The following ACVR1C variants were observed in gnomAD, a reference collection of about 807,000 sequenced individuals.
ACVR1C encodes activin receptor type-1C.
Under a neutral mutation model 57.9 loss-of-function variants are expected in ACVR1C, and 23 were observed. The observed-to-expected ratio is 0.40, with a 90% CI of 0.29 to 0.56. The LOEUF is 0.56. Ranked by LOEUF, ACVR1C falls within the 20% of genes least tolerant of loss-of-function variation. The probability of loss-of-function intolerance (pLI) is 0.50; values close to 1 mark genes in which losing one functional copy is unlikely to be tolerated. For synonymous variants in ACVR1C, 214 were observed against 215.3 expected (o/e 0.99, Z 0.05); for missense variants, 480 against 607.9 (o/e 0.79, Z 2.21).
intron 1 of ACVR1C, among the ~76,000 whole-genome samples, chr2:157,615,009 G>T (rs983635167): frequency 6.6e-6 from 1 of 151,868 alleles, no homozygotes; most frequent in African/African-American, 2.4e-5. Context: ...TGTAATTATT[G>T]GTATAACTGA....
chr2:157,538,455 A>G, intron 8 of ACVR1C, 118 bp downstream of exon 8: 1 of 996,682 alleles, frequency 1.0e-6, no homozygotes, highest in Non-Finnish European at 1.4e-6. Flanking sequence ...GACTTATAAA[A>G]AGACGTATGT....
In ACVR1C at chr2:157,587,639, T is replaced by C. The variant is rs568008616; in HGVS notation, c.74-222A>G. On this transcript the variant is annotated intron_variant, in intron 1 of 8. Transcript: ENST00000243349. ...CTTTTGCTAATATTTTTGTGATTTATTCCAGTTGCTACTATATTTAAAGCA... is the reference window on the plus strand; with the variant it reads ...CTTTTGCTAATATTTTTGTGATTTACTCCAGTTGCTACTATATTTAAAGCA... 2.6e-5 allele frequency among the ~76,000 whole-genome samples: 4 copies of C among 152,226 alleles called. No homozygotes were observed. The East Asian group carries it at 7.7e-4, about 29-fold the overall frequency.
intron 1 of ACVR1C, among the ~76,000 whole-genome samples, chr2:157,596,884 C>T (rs1682136962): frequency 6.6e-6 from 1 of 152,002 alleles, no homozygotes; most frequent in South Asian, 2.1e-4. Context: ...AGGAACTTGG[C>T]CTTGTAGGTT....
intron 1 of ACVR1C, among the ~76,000 whole-genome samples, chr2:157,615,359 A>C (rs2105153103): frequency 6.6e-6 from 1 of 150,772 alleles, no homozygotes; most frequent in Non-Finnish European, 1.5e-5. Context: ...GGTGTGGTGC[A>C]TGCTTTGAGG....
chr2:157,562,584 C>A (rs1185320074), intron 2 of ACVR1C, among the ~76,000 whole-genome samples: 1 of 151,766 alleles, frequency 6.6e-6, no homozygotes, highest in African/African-American at 2.4e-5. Context: ...CTATTCCAAA[C>A]AATTGAAAAG....
At chr2:157,600,839 T>C (rs181259746) in intron 1 of ACVR1C, among the ~76,000 whole-genome samples, 118 of 152,256 alleles carry the variant, frequency 7.8e-4, no homozygotes, top group African/African-American at 2.6e-3. Flanking sequence ...CTCAAAAGTT[T>C]ACCCTGGATA....
At chr2:157,550,057 A>G in intron 4 of ACVR1C, 105 bp downstream of exon 4, 1 of 846,722 alleles carries the variant, frequency 1.2e-6, no homozygotes. Flanking sequence ...AGAAGAGGTG[A>G]ATTTATTTTT....
chr2:157,617,076 T>C (rs1682669652), intron 1 of ACVR1C, among the ~76,000 whole-genome samples: 2 of 151,750 alleles, frequency 1.3e-5, no homozygotes, highest in South Asian at 4.1e-4. Context: ...ACTTTCCTTA[T>C]AAAGACACGA....
intron 1 of ACVR1C, among the ~76,000 whole-genome samples, chr2:157,594,188 G>T (rs1161034420): frequency 6.6e-6 from 1 of 152,144 alleles, no homozygotes; most frequent in Non-Finnish European, 1.5e-5. Flanking sequence ...AGGCAACACT[G>T]ACTGACACTG....
chr2:157,600,071 A>G (rs1057341400), intron 1 of ACVR1C, among the ~76,000 whole-genome samples: 4 of 152,254 alleles, frequency 2.6e-5, no homozygotes, highest in African/African-American at 9.6e-5. Flanking sequence ...AGTATCAGAA[A>G]GAGCAATAGG....
intron 2 of ACVR1C, among the ~76,000 whole-genome samples, chr2:157,558,798 T>C (rs781048440): frequency 8.5e-5 from 13 of 152,198 alleles, no homozygotes; most frequent in Non-Finnish European, 1.8e-4. Context: ...ACTTCTGAAG[T>C]TTGCTGTTAT....
At chr2:157,553,378 G>C (rs1687966543) in intron 3 of ACVR1C, among the ~76,000 whole-genome samples, 1 of 150,486 alleles carries the variant, frequency 6.6e-6, no homozygotes, top group South Asian at 2.1e-4. Flanking sequence ...AATCATCCAT[G>C]CTTGGGTACA....
Position 157,531,187 on chromosome 2 carries a change from C to G in ACVR1C, c.*2731G>C, listed in dbSNP as rs1020342143. On this transcript the variant is annotated 3_prime_UTR_variant, in exon 9 of 9. Coordinates refer to ENST00000243349, the MANE Select transcript of ACVR1C (RefSeq NM_145259.3). The stretch of plus-strand genomic sequence containing the variant: ...GTATATACAAGAAGCCTGCCTTATG[C>G]TCTAAACTTCATCATCCTATTTTTG... 4 of 151,886 alleles carry G rather than the reference C, an allele frequency of 2.6e-5. No homozygotes were observed. The highest frequency in any genetic ancestry group is 4.4e-5 in the Non-Finnish European group (3 of 67,924). 9.4% of individuals were successfully genotyped at this position (151,886 alleles called of 1,614,324 possible).
chr2:157,622,265 C>CCTGGCA (rs1682796550), intron 1 of ACVR1C, among the ~76,000 whole-genome samples: 1 of 151,854 alleles, frequency 6.6e-6, no homozygotes, highest in Non-Finnish European at 1.5e-5. Context: ...AAAAAAAAAT[C>CCTGGCA]CTAAAATTTA....
intron 3 of ACVR1C, among the ~76,000 whole-genome samples, chr2:157,550,717 G>C (rs1191664151): frequency 1.5e-5 from 2 of 136,430 alleles, no homozygotes; most frequent in South Asian, 4.8e-4. Context: ...AGGTTACTAA[G>C]TACACAAGAG....
chr2:157,563,735 A>C (rs769302809), intron 2 of ACVR1C, among the ~76,000 whole-genome samples: 4 of 152,252 alleles, frequency 2.6e-5, no homozygotes, highest in Non-Finnish European at 5.9e-5. Flanking sequence ...GGCTACAGTA[A>C]CCAAAACAGC....
chr2:157,580,348 T>G (rs960595934), intron 2 of ACVR1C, among the ~76,000 whole-genome samples: 1 of 152,204 alleles, frequency 6.6e-6, no homozygotes, highest in Non-Finnish European at 1.5e-5. Flanking sequence ...AAAAATCTTT[T>G]TTTCTAAATT....
At chr2:157,621,794 G>T (rs1682777581) in intron 1 of ACVR1C, among the ~76,000 whole-genome samples, 1 of 152,122 alleles carries the variant, frequency 6.6e-6, no homozygotes, top group East Asian at 1.9e-4. Flanking sequence ...GCTTCATTTT[G>T]CCAGGACTGA....
chr2:157,582,096 C>T (rs1162757226), intron 2 of ACVR1C, among the ~76,000 whole-genome samples: 2 of 152,150 alleles, frequency 1.3e-5, no homozygotes, highest in Non-Finnish European at 2.9e-5. Flanking sequence ...AGCAGGAAGA[C>T]TGCTTAAGGC....
Sources: allele counts gnomAD v4.1 joint callset (sites outside exome capture counted in the v4.1 genomes callset), GRCh38; gene constraint gnomAD v4.1.1; transcripts MANE v1.5; gene names NCBI Gene and HGNC (gene_info 2026-07-23, HGNC 2026-07-21).